ZNF76: variants seen among roughly 807,000 people sequenced by gnomAD.
ZNF76 encodes zinc finger protein 523.
In ZNF76, 66 loss-of-function variants were observed where a neutral mutation model predicts 66.9. The observed-to-expected ratio is 0.99, with a 90% CI of 0.81 to 1.21. The LOEUF (loss-of-function observed/expected upper bound fraction) is 1.21, where lower values mean the gene tolerates loss of function less well. Among genes scored for constraint, ZNF76 ranks in the 50% most tolerant of loss-of-function variants. The pLI is 0.00. For missense variants in ZNF76, 729 were observed against 760.3 expected, an observed-to-expected ratio of 0.96 and a Z score of 0.48; for synonymous variants, 275 against 296.1, an observed-to-expected ratio of 0.93 and a Z score of 0.73.
chr6:35,291,451 A>T, intron 8 of ZNF76, 48 bp downstream of exon 8: 1 of 1,613,480 alleles, frequency 6.2e-7, no homozygotes, highest in Non-Finnish European at 8.5e-7. Context: ...GGCAAAAGGA[A>T]TTCAGCTTGC....
chr6:35,274,497 T>C (rs2150351173), intron 1 of ZNF76, among the ~76,000 whole-genome samples: 1 of 152,332 alleles, frequency 6.6e-6, no homozygotes, highest in East Asian at 1.9e-4. Context: ...ATCTTTCACA[T>C]CCCTTATTTT....
At chr6:35,267,081 G>T (rs1582032514) in intron 1 of ZNF76, among the ~76,000 whole-genome samples, 1 of 151,656 alleles carries the variant, frequency 6.6e-6, no homozygotes, top group Non-Finnish European at 1.5e-5. Flanking sequence ...TTACAGGCTT[G>T]AGCCACTGCA....
At chr6:35,286,666 C>T in intron 4 of ZNF76, 3 of 566,310 alleles carry the variant, frequency 5.3e-6, no homozygotes, top group Non-Finnish European at 9.5e-6. Context: ...AGCACAGCCA[C>T]AAAGTCTTAG....
chr6:35,273,743 TGGG>T (rs1172080960), intron 1 of ZNF76, among the ~76,000 whole-genome samples: 2 of 128,672 alleles, frequency 1.6e-5, no homozygotes, highest in Non-Finnish European at 3.4e-5. Flanking sequence ...AAAAAAGAAA[TGGG>T]GGTCTCACTA....
At chr6:35,272,486 TG>T in intron 1 of ZNF76, among the ~76,000 whole-genome samples, 1 of 16,772 alleles carries the variant, frequency 6.0e-5, no homozygotes, top group Non-Finnish European at 5.3e-4. Context: ...TGTGTGTGTG[TG>T]TGTGTGTGTG....
Position 35,292,621 on chromosome 6 carries a change from T to G in ZNF76, c.999T>G (p.Tyr333Ter). ...GKRFTEYSSL[Y>*]KHHVVHTHCK... ...GCTTCACCGAGTACTCGAGCTTGTA[T>G]AAGCACCACGTGGTGCACACACACT... Residue 333 changes from tyrosine to a stop codon, truncating the protein, a stop_gained, in exon 10 of 14, where the codon TAT becomes TAG. Coordinates refer to ENST00000373953, the MANE Select transcript of ZNF76 (RefSeq NM_003427.5). LOFTEE classifies it high-confidence loss of function. The surrounding 1 kb of genome is among the most constrained non-coding windows in gnomAD (Gnocchi z 4.7). 1 of 1,613,946 alleles carries G rather than the reference T, an allele frequency of 6.2e-7. No individual in the cohort carries two copies. The highest frequency in any genetic ancestry group is 8.5e-7 in the Non-Finnish European group (1 of 1,180,010).
intron 2 of ZNF76, among the ~76,000 whole-genome samples, chr6:35,283,352 TCTCTGACTTCTC>T (rs1403425778): frequency 6.6e-5 from 10 of 152,344 alleles, no homozygotes; most frequent in African/African-American, 1.9e-4. Context: ...CTGAAAGGCT[TCTCTGACTTCTC>T]CTCTGAAGCT....
At chr6:35,260,327 A>G (rs1330956412) in intron 1 of ZNF76, among the ~76,000 whole-genome samples, 1 of 150,136 alleles carries the variant, frequency 6.7e-6, no homozygotes, top group Non-Finnish European at 1.5e-5. Context: ...TGTGTTCCCC[A>G]CAAACTCGGT....
chr6:35,260,627 A>G (rs1294095321), intron 1 of ZNF76, among the ~76,000 whole-genome samples: 1 of 152,202 alleles, frequency 6.6e-6, no homozygotes, highest in Non-Finnish European at 1.5e-5. Context: ...TTCTGGATCA[A>G]TCCAGAATCC....
chr6:35,290,464 T>A, intron 6 of ZNF76, 82 bp downstream of exon 6: 1 of 1,585,974 alleles, frequency 6.3e-7, no homozygotes, highest in Non-Finnish European at 8.6e-7. Context: ...TGATTGGAAT[T>A]GGTCCCTGCC....
At position 35,286,109 on chromosome 6, in the gene ZNF76, C is replaced by A; in HGVS notation, c.74-19C>A. ...TCTTCTGGTCCTGGCCCATTTCTCT[C>A]TATTTCCACTCTTAACAGGAGAGAA... On this transcript the variant is annotated intron_variant, in intron 2 of 13. Coordinates refer to ENST00000373953, the MANE Select transcript of ZNF76 (RefSeq NM_003427.5). 1 of 1,613,358 alleles carries A rather than the reference C, an allele frequency of 6.2e-7. No individual in the cohort carries two copies. Among genetic ancestry groups the A allele is most frequent in the Non-Finnish European group, 8.5e-7 (1 of 1,179,334 alleles).
chr6:35,286,425 G>A (rs763666012), intron 4 of ZNF76, 26 bp downstream of exon 4: 14 of 1,606,914 alleles, frequency 8.7e-6, no homozygotes, highest in Non-Finnish European at 1.2e-5. Context: ...TCACAACTCG[G>A]GGAAGGATGG....
At chr6:35,290,130 A>T in intron 5 of ZNF76, 136 bp from the exon 6 acceptor site, 1 of 1,141,544 alleles carries the variant, frequency 8.8e-7, no homozygotes, top group Non-Finnish European at 1.3e-6. Flanking sequence ...TTGTCCGTCT[A>T]GTTATGTTCT....
chr6:35,280,541 C>A (rs1050395260), intron 1 of ZNF76, among the ~76,000 whole-genome samples: 4 of 103,992 alleles, frequency 3.8e-5, no homozygotes, highest in Non-Finnish European at 7.4e-5. Flanking sequence ...CCCTGAAGTT[C>A]TGGGTGGAAG....
chr6:35,286,305 C>T lies in ZNF76; in HGVS notation c.155-17C>T, dbSNP rs1289408480. On this transcript the variant is annotated splice_polypyrimidine_tract_variant and intron_variant, in intron 3 of 13. Coordinates refer to ENST00000373953, the MANE Select transcript of ZNF76 (RefSeq NM_003427.5). ...GCACTGAGCTCCAGGGAAAGGCAGGCATTGCTCTCGTTACAGAAGCTCTCT... is the reference window on the plus strand; with the variant it reads ...GCACTGAGCTCCAGGGAAAGGCAGGTATTGCTCTCGTTACAGAAGCTCTCT... 3.1e-6 allele frequency: 5 copies of T among 1,614,132 alleles called. No individual in the cohort carries two copies. The highest frequency in any genetic ancestry group is 4.2e-6 in the Non-Finnish European group (5 of 1,179,962).
chr6:35,295,042 T>G, intron 13 of ZNF76, 102 bp from the exon 14 acceptor site: 1 of 810,426 alleles, frequency 1.2e-6, no homozygotes, highest in Non-Finnish European at 2.0e-6. Flanking sequence ...ACTGGGTAGA[T>G]GGGGGAGAGT....
chr6:35,265,053 C>G (rs1234896237), intron 1 of ZNF76, among the ~76,000 whole-genome samples: 1 of 152,158 alleles, frequency 6.6e-6, no homozygotes, highest in African/African-American at 2.4e-5. Context: ...ATTCATCCCA[C>G]AAATATTTGG....
chr6:35,292,141 T>C lies in ZNF76; in HGVS notation c.931+404T>C, dbSNP rs184450261. The C allele has an allele frequency of 2.5e-6, 1 of 404,732 alleles. No individual in the cohort carries two copies. The highest frequency in any genetic ancestry group is 4.7e-6 in the Non-Finnish European group (1 of 215,014). The allele number at this position is 404,732 out of a possible 1,614,324, so 25.1% of individuals were successfully genotyped here. A position where few individuals can be genotyped will look rare whatever the true frequency, so the allele number is the denominator to read the frequency against. On this transcript the variant is annotated intron_variant, in intron 9 of 13. Coordinates refer to ENST00000373953, the MANE Select transcript of ZNF76 (RefSeq NM_003427.5). The surrounding 1 kb of genome is among the most constrained non-coding windows in gnomAD (Gnocchi z 4.7). Reference sequence around the variant, plus strand: ...TGTGTATCCTCACCCTCCCCAGTGTTATGCCCCTCATCCAGCTTTCTGTGT... The same window carrying C: ...TGTGTATCCTCACCCTCCCCAGTGTCATGCCCCTCATCCAGCTTTCTGTGT...
At chr6:35,285,821 CTAT>C in intron 2 of ZNF76, among the ~76,000 whole-genome samples, 1 of 152,316 alleles carries the variant, frequency 6.6e-6, no homozygotes, top group South Asian at 2.1e-4. Flanking sequence ...CAGCAACTTA[CTAT>C]TAGGTTGGAA....
Sources: allele counts gnomAD v4.1 joint callset (sites outside exome capture counted in the v4.1 genomes callset), GRCh38; gene constraint gnomAD v4.1.1; non-coding constraint Gnocchi (gnomAD v3.1); transcripts MANE v1.5; gene names NCBI Gene and HGNC (gene_info 2026-07-23, HGNC 2026-07-21).